The following ATG13 variants were observed in gnomAD, a reference collection of about 807,000 sequenced individuals.
ATG13 encodes the protein autophagy-related protein 13.
A neutral mutation model predicts 65.5 loss-of-function variants in ATG13; 23 were observed. The ratio of observed to expected loss-of-function variants is 0.35; its 90% confidence interval spans 0.25 to 0.50. ATG13 has a LOEUF of 0.50. Ranked by LOEUF, ATG13 falls within the 20% of genes least tolerant of loss-of-function variation. The pLI, the probability that ATG13 is intolerant of heterozygous loss-of-function variation, is 0.98. For missense variants in ATG13, 566 were observed against 677.0 expected (o/e 0.84, Z 1.82); for synonymous variants, 252 against 245.2 (o/e 1.03, Z -0.26).
intron 2 of ATG13, among the ~76,000 whole-genome samples, chr11:46,634,263 C>T (rs985595461): frequency 1.3e-5 from 2 of 150,500 alleles, no homozygotes; most frequent in East Asian, 2.0e-4. Flanking sequence ...ACCCAGCTAA[C>T]GTTTTTTTGC....
chr11:46,660,910 A>G (rs925364807), intron 11 of ATG13, among the ~76,000 whole-genome samples: 1 of 151,326 alleles, frequency 6.6e-6, no homozygotes, highest in Non-Finnish European at 1.5e-5. Flanking sequence ...GGGTTTTGCC[A>G]TGTTGCCCAG....
intron 7 of ATG13, among the ~76,000 whole-genome samples, chr11:46,654,059 T>A (rs945166401): frequency 1.3e-5 from 2 of 151,476 alleles, no homozygotes; most frequent in African/African-American, 4.8e-5. Context: ...GTTTTTATTT[T>A]TTTTTTTCAG....
In ATG13 at chr11:46,628,202, A is replaced by G. The variant is rs545189289; in HGVS notation, c.-69-1843A>G. ...CAGATCACCTGAGGTCAGGAGTTCT[A>G]GATCAGCTTGGCCAACACGGTGAAA... On this transcript the variant is annotated intron_variant, in intron 1 of 18. Coordinates refer to ENST00000683050, the MANE Select transcript of ATG13 (RefSeq NM_001346311.2). 9.2e-5 allele frequency among the ~76,000 whole-genome samples: 14 copies of G among 152,162 alleles called. No homozygotes were observed. The East Asian group carries it at 1.9e-3, about 21-fold the overall frequency.
At chr11:46,640,930 A>G (rs1408605793) in intron 2 of ATG13, among the ~76,000 whole-genome samples, 1 of 152,240 alleles carries the variant, frequency 6.6e-6, no homozygotes, top group Non-Finnish European at 1.5e-5. Context: ...TAAGCTAAAC[A>G]TACGTACCGT....
chr11:46,673,509 G>A lies in ATG13; in HGVS notation c.*1177G>A, dbSNP rs1565659018. Reference sequence around the variant, plus strand: ...ACATGTAGTGGTTAGGGGATGTTGTGTGTGTCCCCCAACTGCCTGGGTACT... The same window carrying A: ...ACATGTAGTGGTTAGGGGATGTTGTATGTGTCCCCCAACTGCCTGGGTACT... On this transcript the variant is annotated 3_prime_UTR_variant, in exon 19 of 19. Coordinates refer to ENST00000683050, the MANE Select transcript of ATG13 (RefSeq NM_001346311.2). 1.3e-5 allele frequency: 2 copies of A among 152,282 alleles called. No homozygotes were observed. Among genetic ancestry groups the A allele is most frequent in the East Asian group, 3.9e-4 (2 of 5,190 alleles). 9.4% of individuals were successfully genotyped at this position (152,282 alleles called of 1,614,324 possible).
Position 46,669,451 on chromosome 11 carries a change from C to A in ATG13, c.1494C>A (p.Thr498=), listed in dbSNP as rs758168157. ...KDDILPMDLG[T]FYREFQNPPQ... is the part of the protein sequence containing the mutation. ...ACATTCTTCCGATGGACCTGGGGAC[C>A]TTCTATCGGGAGTTTCAGAACCCAC... The change falls in exon 18 of 19, where the codon ACC becomes ACA. Residue 498 remains threonine, a synonymous_variant. Transcript: ENST00000683050. The A allele has an allele frequency of 6.2e-7, 1 of 1,614,106 alleles. No homozygotes were observed. The highest frequency in any genetic ancestry group is 8.5e-7 in the Non-Finnish European group (1 of 1,179,988).
rs2064047619 is a variant in ATG13, at chr11:46,672,780, GAGACAGTGCCAGGAGGAAGA to G, written c.*451_*470del. The G allele has an allele frequency of 4.5e-6, 6 of 1,347,144 alleles. No homozygotes were observed. In the East Asian group the frequency reaches 2.7e-4, roughly 61 times the overall value. 83.4% of individuals were successfully genotyped at this position (1,347,144 alleles called of 1,614,324 possible). On this transcript the variant is annotated 3_prime_UTR_variant, in exon 19 of 19. Coordinates refer to ENST00000683050, the MANE Select transcript of ATG13 (RefSeq NM_001346311.2). Reference sequence around the variant, plus strand: ...GGTGTGGAGTCGCAGAAAGAGGAAGGAGACAGTGCCAGGAGGAAGAAGGAAGGAGTCCCTTAGCTCTCTTC... The same window carrying G: ...GGTGTGGAGTCGCAGAAAGAGGAAGGAGGAAGGAGTCCCTTAGCTCTCTTC...
chr11:46,671,395 A>G (rs1043844182), intron 18 of ATG13, among the ~76,000 whole-genome samples: 1 of 152,172 alleles, frequency 6.6e-6, no homozygotes, highest in African/African-American at 2.4e-5. Flanking sequence ...TTCTGTCTTT[A>G]CCATTCTCTC....
chr11:46,618,900 C>G (rs1474374851), intron 1 of ATG13, among the ~76,000 whole-genome samples: 1 of 152,152 alleles, frequency 6.6e-6, no homozygotes, highest in Non-Finnish European at 1.5e-5. Flanking sequence ...TAACTTTAAT[C>G]TCAAACTCCT....
chr11:46,618,324 G>C (rs2046030887), intron 1 of ATG13: 1 of 154,642 alleles, frequency 6.5e-6, no homozygotes, highest in East Asian at 1.9e-4. Flanking sequence ...CTTACTGGCA[G>C]TGGAACGACC....
chr11:46,657,670 C>T (rs1332095053), intron 10 of ATG13, 48 bp downstream of exon 10: 1 of 1,471,838 alleles, frequency 6.8e-7, no homozygotes, highest in Admixed American at 2.0e-5. Context: ...TGGGCAGAAG[C>T]ATCCATCCTG....
intron 2 of ATG13, 54 bp from the exon 3 acceptor site, chr11:46,644,225 T>C: frequency 7.8e-7 from 1 of 1,288,940 alleles, no homozygotes; most frequent in Non-Finnish European, 1.1e-6. Flanking sequence ...TGCTTTGATG[T>C]ATCAATGCCT....
At position 46,672,500 on chromosome 11, in the gene ATG13, TC is replaced by T; in HGVS notation, c.*170del. On this transcript the variant is annotated 3_prime_UTR_variant, in exon 19 of 19. Transcript: ENST00000683050. Reference sequence around the variant, plus strand: ...CCCTACTCTTGGACCTCCTGGAGACTCCGTGGCGGCAGTCAAGCCCAGTGCC... The same window carrying T: ...CCCTACTCTTGGACCTCCTGGAGACTCGTGGCGGCAGTCAAGCCCAGTGCC... The T allele has an allele frequency of 6.7e-7, 1 of 1,485,848 alleles. No individual in the cohort carries two copies. The highest frequency in any genetic ancestry group is 8.9e-7 in the Non-Finnish European group (1 of 1,119,536). 92.0% of individuals were successfully genotyped at this position (1,485,848 alleles called of 1,614,324 possible). A position where few individuals can be genotyped will look rare whatever the true frequency, so the allele number is the denominator to read the frequency against.
Position 46,673,385 on chromosome 11 carries a change from C to G in ATG13, c.*1053C>G, listed in dbSNP as rs189585507. The G allele has an allele frequency of 1.3e-5, 2 of 152,348 alleles. No homozygotes were observed. Among genetic ancestry groups the G allele is most frequent in the African/African-American group, 2.4e-5 (1 of 41,546 alleles). 9.4% of individuals were successfully genotyped at this position (152,348 alleles called of 1,614,324 possible). ...CTAAAGGCTTTACCTTGGATAGTTG[C>G]GTATTCCTGGTGAGAGCCTTACATC... On this transcript the variant is annotated 3_prime_UTR_variant, in exon 19 of 19. Coordinates refer to ENST00000683050, the MANE Select transcript of ATG13 (RefSeq NM_001346311.2).
At chr11:46,640,541 C>T (rs1555078964) in intron 2 of ATG13, among the ~76,000 whole-genome samples, 2 of 152,170 alleles carry the variant, frequency 1.3e-5, no homozygotes, top group Non-Finnish European at 2.9e-5. Flanking sequence ...TTAGCTAGAG[C>T]CTCTGTTTCC....
intron 1 of ATG13, among the ~76,000 whole-genome samples, chr11:46,628,491 A>C (rs1444944014): frequency 6.6e-6 from 1 of 152,094 alleles, no homozygotes; most frequent in Non-Finnish European, 1.5e-5. Flanking sequence ...CAGGTAAAAC[A>C]TTCTATTATT....
intron 7 of ATG13, among the ~76,000 whole-genome samples, chr11:46,655,174 C>T (rs1023038341): frequency 1.3e-5 from 2 of 151,710 alleles, no homozygotes; most frequent in Non-Finnish European, 2.9e-5. Flanking sequence ...CTGAGACGGG[C>T]GGATCACGAG....
chr11:46,662,231 A>C (rs1450216913), intron 11 of ATG13, among the ~76,000 whole-genome samples: 2 of 152,064 alleles, frequency 1.3e-5, no homozygotes, highest in Non-Finnish European at 2.9e-5. Flanking sequence ...TTTTCTTTTT[A>C]TTTTTATAAG....
At chr11:46,663,945 C>A (rs200374728) in intron 11 of ATG13, 52 bp from the exon 12 acceptor site, 14 of 763,610 alleles carry the variant, frequency 1.8e-5, no homozygotes, top group Non-Finnish European at 2.6e-5. Flanking sequence ...AGTCCCTTTT[C>A]TTTTTTTTTT....
Sources: allele counts gnomAD v4.1 joint callset (sites outside exome capture counted in the v4.1 genomes callset), GRCh38; gene constraint gnomAD v4.1.1; transcripts MANE v1.5; gene names NCBI Gene and HGNC (gene_info 2026-07-23, HGNC 2026-07-21).